The following MORN3 variants were observed in gnomAD, a reference collection of about 807,000 sequenced individuals.
MORN3 encodes the protein MORN repeat containing 3, also known as MORN repeat-containing protein 3.
Under a neutral mutation model 34.7 loss-of-function variants are expected in MORN3, and 38 were observed. The observed-to-expected ratio is 1.10, with a 90% CI of 0.85 to 1.44. The LOEUF (loss-of-function observed/expected upper bound fraction) is 1.44. Among genes scored for constraint, MORN3 ranks in the 40% most tolerant of loss-of-function variants. The pLI, the probability that MORN3 is intolerant of heterozygous loss-of-function variation, is 0.00. For missense variants in MORN3, 311 were observed against 321.7 expected (o/e 0.97, Z 0.25); for synonymous variants, 109 against 115.3 (o/e 0.95, Z 0.35).
chr12:121,666,218 C>T (rs1273717499), intron 1 of MORN3, among the ~76,000 whole-genome samples: 1 of 151,874 alleles, frequency 6.6e-6, no homozygotes, highest in Non-Finnish European at 1.5e-5. Context: ...AACGGGGTCT[C>T]GCTATATTGC....
chr12:121,652,936 C>T, intron 4 of MORN3, 128 bp from the exon 5 acceptor site: 2 of 1,419,578 alleles, frequency 1.4e-6, no homozygotes, highest in African/African-American at 1.4e-5. Flanking sequence ...GCTAGGGATG[C>T]CCTGACTGAA....
chr12:121,669,385 C>T lies in MORN3; in HGVS notation c.99G>A (p.Val33=), dbSNP rs1392352172. Residue 33 remains valine (V), a synonymous_variant, in exon 1 of 6, where the codon GTG becomes GTA. Transcript: ENST00000355329. ...RNGLRSQVYA[V]NGDYYVGEWK... ...ACTCGCCCACATAGTAGTCGCCATT[C>T]ACAGCGTATACCTGGCTCCGCAGGC... 6.2e-7 allele frequency: 1 copy of T among 1,614,058 alleles called. No homozygotes were observed. Among genetic ancestry groups the T allele is most frequent in the Non-Finnish European group, 8.5e-7 (1 of 1,179,958 alleles).
intron 3 of MORN3, 96 bp downstream of exon 3, chr12:121,654,178 G>A: frequency 1.0e-6 from 1 of 978,996 alleles, no homozygotes; most frequent in South Asian, 1.6e-5. Flanking sequence ...CAAGAGTGTG[G>A]GGTGTGGCCT....
intron 2 of MORN3, among the ~76,000 whole-genome samples, chr12:121,656,953 T>C (rs1164429237): frequency 6.6e-6 from 1 of 152,152 alleles, no homozygotes; most frequent in African/African-American, 2.4e-5. Context: ...AATAAACAAT[T>C]TGGGAGCAGA....
upstream of MORN3, among the ~76,000 whole-genome samples, chr12:121,670,746 T>A (rs1488728619): frequency 7.1e-6 from 1 of 140,894 alleles, no homozygotes; most frequent in South Asian, 2.3e-4. Flanking sequence ...GAGGCGGAGG[T>A]TGCAGTGAGC....
intron 1 of MORN3, among the ~76,000 whole-genome samples, chr12:121,667,737 T>G (rs1445315222): frequency 6.6e-6 from 1 of 150,740 alleles, no homozygotes; most frequent in Non-Finnish European, 1.5e-5. Context: ...TTTCTTTTTT[T>G]TTTGGAGACG....
rs1025086653 is a variant in MORN3, at chr12:121,651,649, A to G, written c.*7-5T>C. On this transcript the variant is annotated splice_region_variant and splice_polypyrimidine_tract_variant and intron_variant, in intron 5 of 5. Transcript: ENST00000355329. ...CTCCTGAAGCGTTTGTGTTCTCTGC[A>G]GGGGAGAGAGGGATGGTGGAGCTGG... 1 of 152,316 alleles carries G rather than the reference A, an allele frequency of 6.6e-6. No individual in the cohort carries two copies. The highest frequency in any genetic ancestry group is 1.5e-5 in the Non-Finnish European group (1 of 68,182). 9.4% of individuals were successfully genotyped at this position (152,316 alleles called of 1,614,324 possible).
chr12:121,670,862 G>A (rs1244708353), upstream of MORN3, among the ~76,000 whole-genome samples: 4 of 151,688 alleles, frequency 2.6e-5, no homozygotes, highest in Non-Finnish European at 4.4e-5. Context: ...GTAATCCCCA[G>A]CACTTTGGGA....
chr12:121,665,744 G>A (rs766812690), intron 1 of MORN3, among the ~76,000 whole-genome samples: 16 of 121,246 alleles, frequency 1.3e-4, no homozygotes, highest in Admixed American at 6.3e-4. Flanking sequence ...CAGCCTGGGC[G>A]ACAGAATGAG....
intron 5 of MORN3, among the ~76,000 whole-genome samples, chr12:121,652,320 A>C (rs973642567): frequency 1.7e-4 from 25 of 149,936 alleles, no homozygotes; most frequent in African/African-American, 5.7e-4. Context: ...TGCAACCTTC[A>C]CCTCCCGGGT....
At position 121,654,395 on chromosome 12, in the gene MORN3, A is replaced by G; in HGVS notation, c.342T>C (p.Tyr114=). ...GCTGGCTGCCACACCAGTCACCCTCATAATACTCCTTGGGTCCGAAAAACT... is the reference window on the plus strand; with the variant it reads ...GCTGGCTGCCACACCAGTCACCCTCGTAATACTCCTTGGGTCCGAAAAACT... The part of the protein sequence containing the change: ...GIQFFGPKEY[Y]EGDWCGSQRS... The change falls in exon 3 of 6, where the codon TAT becomes TAC. Residue 114 remains tyrosine, a synonymous_variant. Transcript: ENST00000355329. 1 of 1,601,070 alleles carries G rather than the reference A, an allele frequency of 6.2e-7. No homozygotes were observed. Among genetic ancestry groups the G allele is most frequent in the Admixed American group, 1.7e-5 (1 of 57,908 alleles).
chr12:121,660,792 C>CCAA (rs1231980533), intron 1 of MORN3, among the ~76,000 whole-genome samples: 1 of 151,934 alleles, frequency 6.6e-6, no homozygotes, highest in African/African-American at 2.4e-5. Flanking sequence ...CCTCATCCCC[C>CCAA]CAAGTAGCTG....
chr12:121,672,471 A>C (rs994114809), upstream of MORN3: 1 of 152,164 alleles, frequency 6.6e-6, no homozygotes, highest in African/African-American at 2.4e-5. Flanking sequence ...AAAAAAAAAC[A>C]AAACAAAAAA....
At chr12:121,654,230 G>A (rs2136867475) in intron 3 of MORN3, 44 bp downstream of exon 3, 5 of 1,487,990 alleles carry the variant, frequency 3.4e-6, no homozygotes, top group Non-Finnish European at 4.5e-6. Flanking sequence ...TCGCTGCCGG[G>A]GGCGTGGTCG....
chr12:121,665,447 C>A (rs1418737910), intron 1 of MORN3, among the ~76,000 whole-genome samples: 2 of 150,482 alleles, frequency 1.3e-5, no homozygotes, highest in Admixed American at 6.6e-5. Flanking sequence ...CCCGCCACCA[C>A]GCCCGGCTAA....
At chr12:121,654,110 G>GGA (rs1273937125) in intron 3 of MORN3, among the ~76,000 whole-genome samples, 164 bp downstream of exon 3, 10 of 151,966 alleles carry the variant, frequency 6.6e-5, no homozygotes, top group African/African-American at 2.4e-4. Flanking sequence ...GTGACTGAGG[G>GGA]GAGAGATAGG....
rs200327265 is a variant in MORN3 at position 121,660,355 on chromosome 12, C to CTT, written c.146-1009_146-1008dup. 4.5e-4 allele frequency among the ~76,000 whole-genome samples: 58 copies of CTT among 128,766 alleles called. 2 individuals carry two copies. Among genetic ancestry groups the CTT allele is most frequent in the Non-Finnish European group, 5.9e-4 (37 of 62,836 alleles). The allele number at this position is 128,766 out of a possible 152,430, so 84.5% of individuals were successfully genotyped here. A position where few individuals can be genotyped will look rare whatever the true frequency, so the allele number is the denominator to read the frequency against. ...TCTCTTTTTTTTTCTTTCTTTCTTTCTTTTTTTTTTTTTTGAGACAGAGTC... is the reference window on the plus strand; with the variant it reads ...TCTCTTTTTTTTTCTTTCTTTCTTTCTTTTTTTTTTTTTTTTGAGACAGAGTC... On this transcript the variant is annotated intron_variant, in intron 1 of 5. Transcript: ENST00000355329.
intron 1 of MORN3, among the ~76,000 whole-genome samples, chr12:121,662,815 C>A (rs892252383): frequency 9.9e-5 from 15 of 150,928 alleles, no homozygotes; most frequent in African/African-American, 3.4e-4. Flanking sequence ...CTGAAGCGGG[C>A]AGATCACCTG....
At chr12:121,671,880 CAA>C (rs35496122), upstream of MORN3, among the ~76,000 whole-genome samples, 227 of 132,564 alleles carry the variant, frequency 1.7e-3, 1 homozygote, top group African/African-American at 3.9e-3. Context: ...AACTCCGTCT[CAA>C]AAAAAAAAAA....
Sources: allele counts gnomAD v4.1 joint callset (sites outside exome capture counted in the v4.1 genomes callset), GRCh38; gene constraint gnomAD v4.1.1; transcripts MANE v1.5; gene names NCBI Gene and HGNC (gene_info 2026-07-23, HGNC 2026-07-21).